Variants in RASGRF1 observed in about 807,000 individuals in gnomAD.
RASGRF1 encodes ras-specific guanine nucleotide-releasing factor 1.
A neutral mutation model predicts 138.7 loss-of-function variants in RASGRF1; 40 were observed. The ratio of observed to expected loss-of-function variants is 0.29; its 90% confidence interval spans 0.22 to 0.38. The LOEUF is 0.38. RASGRF1 is among the 10% of genes least tolerant of loss of function. The pLI is 1.00. For synonymous variants in RASGRF1, 614 were observed against 663.2 expected, an observed-to-expected ratio of 0.93 and a Z score of 1.14; for missense variants, 1,108 against 1,650.4, an observed-to-expected ratio of 0.67 and a Z score of 5.69.
chr15:79,015,990 G>T (rs1477672617), intron 12 of RASGRF1, among the ~76,000 whole-genome samples: 1 of 152,190 alleles, frequency 6.6e-6, no homozygotes, highest in Non-Finnish European at 1.5e-5. Context: ...ACAGATGATT[G>T]TACATTTCAC....
chr15:79,026,378 G>A (rs1396387809), intron 9 of RASGRF1, among the ~76,000 whole-genome samples: 2 of 152,268 alleles, frequency 1.3e-5, no homozygotes, highest in Middle Eastern at 3.4e-3. Context: ...GAAAGCCCTC[G>A]TGACTCTCTT....
At chr15:78,974,082 C>T (rs376924730) in intron 24 of RASGRF1, among the ~76,000 whole-genome samples, 23 of 152,284 alleles carry the variant, frequency 1.5e-4, no homozygotes, top group African/African-American at 4.1e-4. Context: ...GCTGGGCCCC[C>T]GGAGTGATGG....
intron 12 of RASGRF1, among the ~76,000 whole-genome samples, chr15:79,017,563 C>T (rs1481227945): frequency 6.6e-6 from 1 of 152,174 alleles, no homozygotes; most frequent in East Asian, 1.9e-4. Context: ...ACCACACTTT[C>T]AAGGTGACCC....
At chr15:79,078,601 A>C (rs1203182181) in intron 1 of RASGRF1, among the ~76,000 whole-genome samples, 1 of 151,950 alleles carries the variant, frequency 6.6e-6, no homozygotes, top group Non-Finnish European at 1.5e-5. Flanking sequence ...GAAAGAACTC[A>C]TCCACCCTGA....
At position 79,027,808 on chromosome 15, in the gene RASGRF1, GGC is replaced by G; in HGVS notation, c.1312_1313del (p.Ala438HisfsTer10). 6.2e-7 allele frequency: 1 copy of G among 1,614,216 alleles called. No homozygotes were observed. Among genetic ancestry groups the G allele is most frequent in the Non-Finnish European group, 8.5e-7 (1 of 1,180,044 alleles). On this transcript the variant is annotated frameshift_variant, in exon 9 of 27. Transcript: ENST00000558480. LOFTEE classifies it high-confidence loss of function. This position sits in a 1 kb window ranked among gnomAD's most constrained non-coding sequence, Gnocchi z 4.8. ...AGCCTTCGATGATCATGCGCTCGAT[GGC>G]CAGGTTTTTCCGGATGTTCTCCGTC... ...SETENIRKNLAIERMIIEGCE... is the reference protein window; with the variant it reads ...SETENIRKNLXIERMIIEGCE...
At chr15:78,963,493 G>T (rs1364227141) in intron 26 of RASGRF1, among the ~76,000 whole-genome samples, 5 of 152,044 alleles carry the variant, frequency 3.3e-5, no homozygotes, top group Admixed American at 6.6e-5. Flanking sequence ...GTAGAGACAG[G>T]GTTTTGCCAT....
chr15:78,987,240 T>C (rs1380853676), intron 22 of RASGRF1, among the ~76,000 whole-genome samples: 1 of 152,170 alleles, frequency 6.6e-6, no homozygotes, highest in Non-Finnish European at 1.5e-5. Flanking sequence ...AAAAACCATA[T>C]GACCATCTCT....
intron 26 of RASGRF1, among the ~76,000 whole-genome samples, chr15:78,968,380 G>A (rs59014632): frequency 0.032 from 4,800 of 151,708 alleles, 256 homozygotes; most frequent in African/African-American, 0.11. Flanking sequence ...CAAGTGATCC[G>A]CCTGCCTCAG....
In RASGRF1 at chr15:79,032,443, A is replaced by C. The variant is rs569424305; in HGVS notation, c.959-127T>G. The C allele has an allele frequency of 2.4e-6, 2 of 849,690 alleles. No homozygotes were observed. The highest frequency in any genetic ancestry group is 2.6e-5 in the East Asian group (1 of 37,744). The allele number at this position is 849,690 out of a possible 1,614,324, so 52.6% of individuals were successfully genotyped here. A position where few individuals can be genotyped will look rare whatever the true frequency, so the allele number is the denominator to read the frequency against. ...CAGGTTCAAGTTCCCCACCCCAGAG[A>C]CATCTCTGCTCTTGGGGATGACTCC... On this transcript the variant is annotated intron_variant, in intron 6 of 26. Transcript: ENST00000558480. This position sits in a 1 kb window ranked among gnomAD's most constrained non-coding sequence, Gnocchi z 4.5.
chr15:79,005,112 C>T, intron 14 of RASGRF1: 6 of 985,430 alleles, frequency 6.1e-6, no homozygotes, highest in Non-Finnish European at 7.2e-6. Context: ...TCTGTTTTCT[C>T]AGAGCCCTGG....
At chr15:78,978,107 A>T (rs1254373507) in intron 24 of RASGRF1, among the ~76,000 whole-genome samples, 4 of 151,942 alleles carry the variant, frequency 2.6e-5, no homozygotes, top group African/African-American at 9.7e-5. Context: ...GAGAGTGGCT[A>T]GTGGGGTGTT....
intron 5 of RASGRF1, among the ~76,000 whole-genome samples, chr15:79,042,343 G>A (rs1210866147): frequency 1.3e-5 from 2 of 152,224 alleles, no homozygotes; most frequent in Admixed American, 6.5e-5. Context: ...AAGCTTTCCA[G>A]CAAGTGAGCT....
rs1176912621 is a variant in RASGRF1, at chr15:78,973,233, G to T, written c.3612+70C>A. The T allele has an allele frequency of 1.6e-6, 2 of 1,289,268 alleles. No homozygotes were observed. Among genetic ancestry groups the T allele is most frequent in the African/African-American group, 3.0e-5 (2 of 67,486 alleles). The allele number at this position is 1,289,268 out of a possible 1,614,324, so 79.9% of individuals were successfully genotyped here. ...GGTTGGGCCTTGGGGGGCAGAGTGT[G>T]GGTGGGCCCCAGGTTGAGTCATCTG... On this transcript the variant is annotated intron_variant, in intron 25 of 26. Transcript: ENST00000558480. The surrounding 1 kb of genome is among the most constrained non-coding windows in gnomAD (Gnocchi z 4.9).
intron 7 of RASGRF1, among the ~76,000 whole-genome samples, 172 bp downstream of exon 7, chr15:79,031,951 C>T (rs1417219369): frequency 6.6e-6 from 1 of 152,076 alleles, no homozygotes; most frequent in African/African-American, 2.4e-5. Flanking sequence ...GACAGGCCCA[C>T]AGTCAGCTTG....
At chr15:79,031,086 T>C (rs1008372259) in intron 8 of RASGRF1, among the ~76,000 whole-genome samples, 3 of 152,176 alleles carry the variant, frequency 2.0e-5, no homozygotes, top group African/African-American at 7.2e-5. Context: ...ACATTGACAC[T>C]GGAGAGCAGA....
At chr15:78,995,894 C>T (rs2056382122) in intron 19 of RASGRF1, 94 bp from the exon 20 acceptor site, 4 of 1,198,458 alleles carry the variant, frequency 3.3e-6, no homozygotes, top group African/African-American at 1.5e-5. Context: ...TGCTCTTACG[C>T]CCCTCTGTCC....
chr15:79,025,106 T>A (rs1297787387), intron 10 of RASGRF1, among the ~76,000 whole-genome samples: 1 of 152,162 alleles, frequency 6.6e-6, no homozygotes, highest in East Asian at 1.9e-4. Context: ...CACCTTCCCA[T>A]CTCCCAGGAT....
chr15:78,996,564 T>C (rs758275680), intron 19 of RASGRF1, among the ~76,000 whole-genome samples: 6 of 151,968 alleles, frequency 3.9e-5, no homozygotes, highest in African/African-American at 1.2e-4. Context: ...AGCTGGAGCA[T>C]GGTGGGCCCA....
rs72369256 is a variant in RASGRF1 at position 78,994,926 on chromosome 15, C to CTTTT, written c.3027+810_3027+813dup. 6.6e-5 allele frequency among the ~76,000 whole-genome samples: 9 copies of CTTTT among 136,056 alleles called. 3 individuals are homozygous for CTTTT. Among genetic ancestry groups the CTTTT allele is most frequent in the Non-Finnish European group, 4.8e-5 (3 of 62,782 alleles). 89.3% of individuals were successfully genotyped at this position (136,056 alleles called of 152,430 possible). A position where few individuals can be genotyped will look rare whatever the true frequency, so the allele number is the denominator to read the frequency against. Reference sequence around the variant, plus strand: ...GGAGGGAGCACAACCCTTCCAGCACCTTTTTTTTTTTTTTTTTTGAGATGG... The same window carrying CTTTT: ...GGAGGGAGCACAACCCTTCCAGCACCTTTTTTTTTTTTTTTTTTTTTTGAGATGG... On this transcript the variant is annotated intron_variant, in intron 20 of 26. Coordinates refer to ENST00000558480, the MANE Select transcript of RASGRF1 (RefSeq NM_001145648.3).
Sources: allele counts gnomAD v4.1 joint callset (sites outside exome capture counted in the v4.1 genomes callset), GRCh38; gene constraint gnomAD v4.1.1; non-coding constraint Gnocchi (gnomAD v3.1); transcripts MANE v1.5; gene names NCBI Gene and HGNC (gene_info 2026-07-23, HGNC 2026-07-21).